SLC26A1: variants seen among roughly 807,000 people sequenced by gnomAD.
SLC26A1 encodes the protein sulfate anion transporter 1.
A neutral mutation model predicts 14.5 loss-of-function variants in SLC26A1; 18 were observed. That is an observed-to-expected ratio of 1.24 (90% CI 0.86 to 1.84). The LOEUF is 1.84. Among genes scored for constraint, SLC26A1 ranks in the 40% most tolerant of loss-of-function variants. The pLI, the probability that SLC26A1 is intolerant of heterozygous loss-of-function variation, is 0.00. For synonymous variants in SLC26A1, 505 were observed against 492.0 expected (o/e 1.03, Z -0.35); for missense variants, 1,049 against 1,020.0 (o/e 1.03, Z -0.39).
rs753683424 is a variant in SLC26A1, at chr4:988,842, G to T, written c.2097C>A (p.Ala699=). The change falls in exon 3 of 3, where the codon GCC becomes GCA. Residue 699 remains alanine, a synonymous_variant. Transcript: ENST00000398516. ...GGCAGGCCTGGCCCTGCTACAGATG[G>T]GCATCGGTGGCCTCCAGCTCCCTGT... The part of the protein sequence containing the change: ...ARHRELEATD[A]HL 2.5e-6 allele frequency: 4 copies of T among 1,597,096 alleles called. No individual in the cohort carries two copies. The South Asian group carries it at 4.5e-5, about 18-fold the overall frequency.
chr4:980,772 C>T (rs1397626243), intron 2 of SLC26A1, among the ~76,000 whole-genome samples: 1 of 151,958 alleles, frequency 6.6e-6, no homozygotes, highest in African/African-American at 2.4e-5. Flanking sequence ...TCCCTCCCCT[C>T]CTTCCCTCTT....
At chr4:985,732 C>G (rs1713696205), downstream of SLC26A1, among the ~76,000 whole-genome samples, 1 of 152,046 alleles carries the variant, frequency 6.6e-6, no homozygotes, top group Non-Finnish European at 1.5e-5. Flanking sequence ...TATATACACA[C>G]TATTTCACTT....
rs1486758160 is a variant in SLC26A1, at chr4:990,117, C to T, written c.822G>A (p.Leu274=). 4.4e-6 allele frequency: 7 copies of T among 1,580,828 alleles called. No homozygotes were observed. Among genetic ancestry groups the T allele is most frequent in the African/African-American group, 1.3e-5 (1 of 74,356 alleles). ...VVTSTVCLAV[L]LAAKELSDRY... ...GGTCTGAGAGCTCCTTCGCGGCTAG[C>T]AGCACCGCCAGGCACACCGTGCTGG... The change falls in exon 3 of 3, where the codon CTG becomes CTA. Residue 274 remains leucine (L), a synonymous_variant. Coordinates refer to ENST00000398516, the MANE Select transcript of SLC26A1 (RefSeq NM_022042.4).
rs993114363 is a variant in SLC26A1 at position 980,567 on chromosome 4, CAA to C, written c.577-1065_577-1064del. Among the ~76,000 whole-genome samples, 12 of 125,010 alleles carry C rather than the reference CAA, an allele frequency of 9.6e-5. No homozygotes were observed. In the Admixed American group the frequency reaches 1.1e-3, roughly 12 times the overall value. 82.0% of individuals were successfully genotyped at this position (125,010 alleles called of 152,430 possible). ...CGCCACTGCACTCCAGCCTGGGCAA[CAA>C]GAGCGAAACTCCATCTCAAAAAAAA... On this transcript the variant is annotated intron_variant, in intron 2 of 2. Transcript: ENST00000398520.
rs150647894 is a variant in SLC26A1, at chr4:991,801, C to T, written c.-27-71G>A. The T allele has an allele frequency of 3.6e-4, 549 of 1,531,572 alleles. 1 individual carries two copies. Among genetic ancestry groups the T allele is most frequent in the Non-Finnish European group, 9.1e-5 (104 of 1,144,468 alleles). The allele number at this position is 1,531,572 out of a possible 1,614,324, so 94.9% of individuals were successfully genotyped here. On this transcript the variant is annotated intron_variant, in intron 1 of 2. Coordinates refer to ENST00000398516, the MANE Select transcript of SLC26A1 (RefSeq NM_022042.4). ...GGCCAAACGACAAGGTCCCCGGCAG[C>T]AACGGGCCCCTTGGGGCGGACCCCT... is the stretch of plus-strand genomic sequence containing the variant.
chr4:992,845 T>G (rs1279114829), intron 1 of SLC26A1: 2 of 152,234 alleles, frequency 1.3e-5, no homozygotes, highest in Non-Finnish European at 2.9e-5. Flanking sequence ...CTTTAAACAT[T>G]CTTCTCAGCG....
At chr4:990,447 G>A in intron 2 of SLC26A1, 85 bp from the exon 3 acceptor site, 1 of 1,325,566 alleles carries the variant, frequency 7.5e-7, no homozygotes, top group East Asian at 2.5e-5. Context: ...CCGAGGGGTG[G>A]TGGTCACGGC....
chr4:980,077 C>T (rs1465413421), intron 2 of SLC26A1, among the ~76,000 whole-genome samples: 1 of 152,180 alleles, frequency 6.6e-6, no homozygotes, highest in Non-Finnish European at 1.5e-5. Context: ...GCAAATGAGG[C>T]AGGGTGGACA....
chr4:988,557 C>T lies in SLC26A1; in HGVS notation c.*276G>A, dbSNP rs147250021. 24,651 of 1,311,148 alleles carry T rather than the reference C, an allele frequency of 0.019. 271 individuals carry two copies. Among genetic ancestry groups the T allele is most frequent in the Non-Finnish European group, 0.021 (22,043 of 1,031,478 alleles). 81.2% of individuals were successfully genotyped at this position (1,311,148 alleles called of 1,614,324 possible). A position where few individuals can be genotyped will look rare whatever the true frequency, so the allele number is the denominator to read the frequency against. ...CCTGAGCGTCAGGTCAGGCCCATCC[C>T]TCCTGAGCTGAGGGACGGTGCATTG... On this transcript the variant is annotated 3_prime_UTR_variant, in exon 3 of 3. Transcript: ENST00000398516.
chr4:980,880 T>C (rs1232570003), intron 2 of SLC26A1, among the ~76,000 whole-genome samples: 2 of 151,700 alleles, frequency 1.3e-5, no homozygotes, highest in South Asian at 2.1e-4. Flanking sequence ...AAACAGCAAC[T>C]GCCTAGATAC....
In SLC26A1 at chr4:988,692, C is replaced by T. The variant is rs1713947016; in HGVS notation, c.*141G>A. ...GGGCCTCCTTTCCCAGTTGGGGTTC[C>T]CCGGTTTCCCCAGGGCAGCTGTGGC... On this transcript the variant is annotated 3_prime_UTR_variant, in exon 3 of 3. Coordinates refer to ENST00000398516, the MANE Select transcript of SLC26A1 (RefSeq NM_022042.4). The T allele has an allele frequency of 7.1e-7, 1 of 1,413,542 alleles. No individual in the cohort carries two copies. Among genetic ancestry groups the T allele is most frequent in the Non-Finnish European group, 9.2e-7 (1 of 1,088,696 alleles). 87.6% of individuals were successfully genotyped at this position (1,413,542 alleles called of 1,614,324 possible). A position where few individuals can be genotyped will look rare whatever the true frequency, so the allele number is the denominator to read the frequency against.
chr4:987,050 G>T, downstream of SLC26A1: 1 of 1,514,490 alleles, frequency 6.6e-7, no homozygotes, highest in Non-Finnish European at 8.8e-7. Context: ...CGGCAGTGCA[G>T]CCCGAAGCCC....
At chr4:982,504 G>T (rs954649800) in intron 2 of SLC26A1, among the ~76,000 whole-genome samples, 4 of 152,226 alleles carry the variant, frequency 2.6e-5, no homozygotes, top group African/African-American at 9.6e-5. Flanking sequence ...TGGGGAGCCC[G>T]GTGGACGGCT....
At chr4:986,244 A>G (rs1227007549), downstream of SLC26A1, among the ~76,000 whole-genome samples, 2 of 152,044 alleles carry the variant, frequency 1.3e-5, no homozygotes, top group Non-Finnish European at 2.9e-5. Flanking sequence ...TATTATTTTT[A>G]TACAATGTTT....
rs749751376 is a variant in SLC26A1 at position 988,419 on chromosome 4, C to A, written c.*414G>T. On this transcript the variant is annotated 3_prime_UTR_variant, in exon 3 of 3. Transcript: ENST00000398516. ...AGACCCTCGTGCACTTGGCCAGAGCCGCTGGCTCCTACCAGCAGGGTGGGC... is the reference window on the plus strand; with the variant it reads ...AGACCCTCGTGCACTTGGCCAGAGCAGCTGGCTCCTACCAGCAGGGTGGGC... 23 of 1,064,818 alleles carry A rather than the reference C, an allele frequency of 2.2e-5. No individual in the cohort carries two copies. The highest frequency in any genetic ancestry group is 2.6e-5 in the Non-Finnish European group (23 of 880,826). 66.0% of individuals were successfully genotyped at this position (1,064,818 alleles called of 1,614,324 possible).
At chr4:979,327 T>C in exon 3 of SLC26A1, 3 of 859,010 alleles carry the variant, frequency 3.5e-6, no homozygotes, top group Non-Finnish European at 5.8e-6. Flanking sequence ...TGGAATAAGC[T>C]GTATCCACCG....
At position 988,476 on chromosome 4, in the gene SLC26A1, TGGCACCTTGG is replaced by T; in HGVS notation, c.*347_*356del. 1.8e-6 allele frequency: 2 copies of T among 1,114,822 alleles called. No homozygotes were observed. The highest frequency in any genetic ancestry group is 2.2e-6 in the Non-Finnish European group (2 of 911,062). 69.1% of individuals were successfully genotyped at this position (1,114,822 alleles called of 1,614,324 possible). On this transcript the variant is annotated 3_prime_UTR_variant, in exon 3 of 3. Transcript: ENST00000398516. ...CAGGCCTGGGCATAGGGAGTCCTCTTGGCACCTTGGAGGCTGCATGATGGCGGGGGACCCT... is the reference window on the plus strand; with the variant it reads ...CAGGCCTGGGCATAGGGAGTCCTCTTAGGCTGCATGATGGCGGGGGACCCT...
intron 1 of SLC26A1, chr4:992,946 G>A (rs1230764855): frequency 6.6e-6 from 1 of 152,278 alleles, no homozygotes; most frequent in Non-Finnish European, 1.5e-5. Context: ...CTGGCCCAGG[G>A]TGTGCGAGCT....
At position 990,228 on chromosome 4, in the gene SLC26A1, CG is replaced by C; in HGVS notation, c.710del (p.Pro237ArgfsTer14). ...CCACCATGCCGGGCCCCTGGTGCCG[CG>C]GGATCCGCACGCCCAGCAGGTGTTT... The part of the protein sequence containing the change: ...QLKHLLGVRI[P>X]RHQGPGMVVL... On this transcript the variant is annotated frameshift_variant, in exon 3 of 3. Coordinates refer to ENST00000398516, the MANE Select transcript of SLC26A1 (RefSeq NM_022042.4). LOFTEE classifies it low-confidence loss of function (END_TRUNC). 1 of 1,572,684 alleles carries C rather than the reference CG, an allele frequency of 6.4e-7. No individual in the cohort carries two copies. The highest frequency in any genetic ancestry group is 1.2e-5 in the South Asian group (1 of 85,714).
Sources: gnomAD v4.1 joint callset for allele counts (sites outside exome capture counted in the v4.1 genomes callset) on GRCh38, gnomAD v4.1.1 for gene constraint, MANE v1.5 for transcripts, NCBI Gene and HGNC (gene_info 2026-07-23, HGNC 2026-07-21) for gene names.